The following MAML3 variants were observed in gnomAD, a reference collection of about 807,000 sequenced individuals.
MAML3 encodes the protein mastermind like transcriptional coactivator 3, also known as mastermind-like protein 3.
A neutral mutation model predicts 101.9 loss-of-function variants in MAML3; 27 were observed. The ratio of observed to expected loss-of-function variants is 0.27; its 90% confidence interval spans 0.20 to 0.37. MAML3 has a LOEUF of 0.37. MAML3 is among the 10% of genes least tolerant of loss of function. The pLI is 1.00. For synonymous variants in MAML3, 501 were observed against 555.9 expected (o/e 0.90, Z 1.39); for missense variants, 1,316 against 1,444.9 (o/e 0.91, Z 1.45).
At chr4:139,893,402 A>G (rs1732542922) in intron 1 of MAML3, among the ~76,000 whole-genome samples, 2 of 152,024 alleles carry the variant, frequency 1.3e-5, no homozygotes. Flanking sequence ...GTACTTCACT[A>G]CCATAGCTTT....
chr4:139,920,412 G>A (rs1360576666), intron 1 of MAML3, among the ~76,000 whole-genome samples: 1 of 152,208 alleles, frequency 6.6e-6, no homozygotes, highest in East Asian at 1.9e-4. Context: ...GTGTGCAGGT[G>A]TGTCTGTGCA....
At chr4:139,946,720 A>G (rs1733732736) in intron 1 of MAML3, among the ~76,000 whole-genome samples, 1 of 152,196 alleles carries the variant, frequency 6.6e-6, no homozygotes, top group African/African-American at 2.4e-5. Flanking sequence ...TAATGATTAT[A>G]AAATATAAAA....
chr4:139,915,631 A>T (rs1283647131), intron 1 of MAML3, among the ~76,000 whole-genome samples: 2 of 152,324 alleles, frequency 1.3e-5, no homozygotes, highest in South Asian at 2.1e-4. Context: ...ACCTGTGTGT[A>T]TGAATCCAAG....
chr4:140,051,193 C>T (rs1727261629), intron 1 of MAML3, among the ~76,000 whole-genome samples: 1 of 152,102 alleles, frequency 6.6e-6, no homozygotes, highest in South Asian at 2.1e-4. Context: ...CTTGACTTAC[C>T]CTAAAATAGA....
At chr4:139,885,960 A>AAAAG (rs771617532) in intron 2 of MAML3, among the ~76,000 whole-genome samples, 35 of 134,338 alleles carry the variant, frequency 2.6e-4, no homozygotes, top group African/African-American at 4.6e-4. Context: ...AAAAAAAAGA[A>AAAAG]AGAGAAAAAA....
At chr4:139,745,144 G>A (rs961680970) in intron 2 of MAML3, among the ~76,000 whole-genome samples, 1 of 152,182 alleles carries the variant, frequency 6.6e-6, no homozygotes, top group African/African-American at 2.4e-5. Flanking sequence ...GAGAAGGAAG[G>A]AAGGAGAGCG....
intron 2 of MAML3, among the ~76,000 whole-genome samples, chr4:139,747,840 G>T (rs1488500058): frequency 1.3e-5 from 2 of 152,040 alleles, no homozygotes; most frequent in African/African-American, 4.8e-5. Context: ...GATCACCTGA[G>T]GTTAGGAGTT....
Position 139,851,174 on chromosome 4 carries a change from A to G in MAML3, c.2079+38183T>C, listed in dbSNP as rs2111155544. Among the ~76,000 whole-genome samples, 2 of 152,318 alleles carry G rather than the reference A, an allele frequency of 1.3e-5. 1 individual carries two copies. Among genetic ancestry groups the G allele is most frequent in the South Asian group, 4.1e-4 (2 of 4,826 alleles). On this transcript the variant is annotated intron_variant, in intron 2 of 4. Coordinates refer to ENST00000509479, the MANE Select transcript of MAML3 (RefSeq NM_018717.5). ...ACAGCCTTCTTTCTGGGGCTCTTAG[A>G]ACTGACCAGAACTAGGAACTGAAGG...
intron 2 of MAML3, among the ~76,000 whole-genome samples, chr4:139,757,238 G>A (rs1431189622): frequency 6.6e-6 from 1 of 152,050 alleles, no homozygotes; most frequent in East Asian, 1.9e-4. Flanking sequence ...GGAGCTCTCT[G>A]CTACTCTCCT....
At chr4:139,861,000 T>C (rs1731771012) in intron 2 of MAML3, among the ~76,000 whole-genome samples, 1 of 152,178 alleles carries the variant, frequency 6.6e-6, no homozygotes, top group South Asian at 2.1e-4. Context: ...ATGTATATGA[T>C]ATATGTATAT....
At chr4:139,827,500 T>C (rs1468855592) in intron 2 of MAML3, among the ~76,000 whole-genome samples, 1 of 152,188 alleles carries the variant, frequency 6.6e-6, no homozygotes, top group Non-Finnish European at 1.5e-5. Flanking sequence ...GTCTCTGGGA[T>C]AGGTGAATGC....
chr4:139,758,628 A>G (rs1455855277), intron 2 of MAML3, among the ~76,000 whole-genome samples: 1 of 152,200 alleles, frequency 6.6e-6, no homozygotes, highest in African/African-American at 2.4e-5. Context: ...CGGCTGCAGG[A>G]GTATGCTCGG....
Position 139,890,043 on chromosome 4 carries a change from C to A in MAML3, c.1393G>T (p.Ala465Ser). ...GCAGCCATCTGTTTGAGCTGTTCTG[C>A]TGGAGACATGTCAGAGCTGGGCACA... ...VAVPSSDMSP[A>S]EQLKQMAAQQ... Residue 465 changes from alanine (A) to serine (S), a missense_variant, in exon 2 of 5, where the codon GCA (alanine) becomes TCA (serine). Transcript: ENST00000509479. This position sits in a 1 kb window ranked among gnomAD's most constrained non-coding sequence, Gnocchi z 4.1. 6.2e-7 allele frequency: 1 copy of A among 1,608,112 alleles called. No individual in the cohort carries two copies. The highest frequency in any genetic ancestry group is 1.7e-5 in the Admixed American group (1 of 57,966).
At chr4:140,004,888 T>C (rs1464227602) in intron 1 of MAML3, among the ~76,000 whole-genome samples, 1 of 152,104 alleles carries the variant, frequency 6.6e-6, no homozygotes, top group Non-Finnish European at 1.5e-5. Context: ...TATCATCATA[T>C]TCCCCAGATA....
chr4:139,730,607 C>T lies in MAML3; in HGVS notation c.2140G>A (p.Gly714Ser). The T allele has an allele frequency of 6.2e-7, 1 of 1,612,322 alleles. No homozygotes were observed. The highest frequency in any genetic ancestry group is 1.1e-5 in the South Asian group (1 of 90,402). ...GCTCCTGAGACCATGCCACCTGAGC[C>T]TGGGGGCACGGAGGACTGCATGGGG... ...TGPMQSSVPP[G>S]SGGMVSGASP... The change falls in exon 3 of 5, where the codon GGC becomes AGC. Residue 714 changes from glycine to serine, a missense_variant. Transcript: ENST00000509479.
intron 1 of MAML3, among the ~76,000 whole-genome samples, chr4:139,906,233 A>G (rs2111218119): frequency 6.6e-6 from 1 of 152,334 alleles, no homozygotes; most frequent in African/African-American, 2.4e-5. Context: ...AGCTGAGACT[A>G]TGGGTGCATA....
In MAML3 at chr4:139,889,306, C is replaced by A. The variant is rs372854320; in HGVS notation, c.2079+51G>T. 6.2e-6 allele frequency: 10 copies of A among 1,613,576 alleles called. No homozygotes were observed. In the African/African-American group the frequency reaches 1.1e-4, roughly 17 times the overall value. On this transcript the variant is annotated intron_variant, in intron 2 of 4. Coordinates refer to ENST00000509479, the MANE Select transcript of MAML3 (RefSeq NM_018717.5). ...TTGTAGAACATCACACATCGACAGT[C>A]TGAAATGCACCACAAGAACTGCTCG...
intron 1 of MAML3, among the ~76,000 whole-genome samples, chr4:139,932,692 G>A (rs556961657): frequency 6.6e-6 from 1 of 152,148 alleles, no homozygotes; most frequent in Non-Finnish European, 1.5e-5. Context: ...ATTAATTAAT[G>A]ATCTTTATTT....
chr4:139,719,272 C>A lies in MAML3; in HGVS notation c.*51G>T. On this transcript the variant is annotated 3_prime_UTR_variant, in exon 5 of 5. Transcript: ENST00000509479. ...ATGGGTCAACATCCTGTTTCTTTTT[C>A]ACTTTTTAAGCTTTAACCACTCGAG... 1 of 1,513,038 alleles carries A rather than the reference C, an allele frequency of 6.6e-7. No individual in the cohort carries two copies. Among genetic ancestry groups the A allele is most frequent in the East Asian group, 2.3e-5 (1 of 43,822 alleles). The allele number at this position is 1,513,038 out of a possible 1,614,324, so 93.7% of individuals were successfully genotyped here.
Sources: allele counts gnomAD v4.1 joint callset (sites outside exome capture counted in the v4.1 genomes callset), GRCh38; gene constraint gnomAD v4.1.1; non-coding constraint Gnocchi (gnomAD v3.1); transcripts MANE v1.5; gene names NCBI Gene and HGNC (gene_info 2026-07-23, HGNC 2026-07-21).